SLC24A2: variants seen among roughly 807,000 people sequenced by gnomAD.
SLC24A2 encodes the protein sodium/potassium/calcium exchanger 2.
A neutral mutation model predicts 62.0 loss-of-function variants in SLC24A2; 36 were observed. The observed-to-expected ratio is 0.58, with a 90% CI of 0.44 to 0.77. The LOEUF (loss-of-function observed/expected upper bound fraction) is 0.77, where lower values mean the gene tolerates loss of function less well. Among genes scored for constraint, SLC24A2 ranks in the 30% least tolerant of loss-of-function variants. SLC24A2 has a pLI of 0.00. For missense variants in SLC24A2, 846 were observed against 817.9 expected, an observed-to-expected ratio of 1.03 and a Z score of -0.42; for synonymous variants, 358 against 294.0, an observed-to-expected ratio of 1.22 and a Z score of -2.23.
chr9:20,017,798 T>A, the SLC24A2 span, among the ~76,000 whole-genome samples: 2 of 152,196 alleles, frequency 1.3e-5, no homozygotes, highest in Non-Finnish European at 2.9e-5. Context: ...AACTCTGCTC[T>A]TTCCATGACT....
the SLC24A2 span, among the ~76,000 whole-genome samples, chr9:20,202,040 C>T: frequency 6.8e-6 from 1 of 147,864 alleles, no homozygotes; most frequent in South Asian, 2.2e-4. Context: ...GCCAGCCAAT[C>T]CCATTTCATG....
upstream of SLC24A2, among the ~76,000 whole-genome samples, chr9:19,791,346 T>G (rs2118964827): frequency 6.6e-6 from 1 of 152,346 alleles, no homozygotes; most frequent in Admixed American, 6.5e-5. Context: ...CACTTACATT[T>G]CACTGATCAC....
chr9:19,628,999 T>C (rs1818105892), intron 2 of SLC24A2, among the ~76,000 whole-genome samples: 1 of 152,176 alleles, frequency 6.6e-6, no homozygotes, highest in Non-Finnish European at 1.5e-5. Flanking sequence ...ACAGAATACT[T>C]TGTAGCAAAT....
chr9:20,282,695 T>G, the SLC24A2 span, among the ~76,000 whole-genome samples: 2 of 152,244 alleles, frequency 1.3e-5, no homozygotes, highest in African/African-American at 2.4e-5. Flanking sequence ...GAAATGATTT[T>G]ATAGATATAC....
the SLC24A2 span, among the ~76,000 whole-genome samples, chr9:19,935,022 A>G: frequency 6.6e-6 from 1 of 151,434 alleles, no homozygotes; most frequent in Non-Finnish European, 1.5e-5. Flanking sequence ...GCCCACTACC[A>G]CTTATTTTTA....
the SLC24A2 span, among the ~76,000 whole-genome samples, chr9:19,997,050 A>AAAAAAAGGC: frequency 2.1e-4 from 31 of 150,030 alleles, no homozygotes; most frequent in African/African-American, 7.8e-4. Context: ...AAAAAAAGGC[A>AAAAAAAGGC]AAAAAAGCAA....
the SLC24A2 span, among the ~76,000 whole-genome samples, chr9:19,867,616 A>T: frequency 1.3e-5 from 2 of 152,004 alleles, no homozygotes; most frequent in Admixed American, 6.5e-5. Context: ...TTAATCATAA[A>T]AACAACTTTC....
chr9:19,715,189 C>A (rs987082403), intron 2 of SLC24A2, among the ~76,000 whole-genome samples: 2 of 152,248 alleles, frequency 1.3e-5, no homozygotes, highest in African/African-American at 4.8e-5. Context: ...TAGATACCTA[C>A]AAAATACATT....
At chr9:20,253,393 G>T in the SLC24A2 span, among the ~76,000 whole-genome samples, 1 of 152,190 alleles carries the variant, frequency 6.6e-6, no homozygotes, top group Admixed American at 6.5e-5. Flanking sequence ...ATCTAGGTGA[G>T]TGGATACCTT....
intron 2 of SLC24A2, among the ~76,000 whole-genome samples, chr9:19,658,377 G>A (rs535056845): frequency 2.0e-5 from 3 of 151,922 alleles, no homozygotes; most frequent in Non-Finnish European, 2.9e-5. Flanking sequence ...TCACAAAAAT[G>A]ATACCTGTAC....
chr9:19,780,467 C>T (rs1049250204), intron 2 of SLC24A2, among the ~76,000 whole-genome samples: 7 of 151,526 alleles, frequency 4.6e-5, no homozygotes, highest in Non-Finnish European at 7.4e-5. Flanking sequence ...GGGGTTTCAC[C>T]ATCTTGGCCA....
intron 2 of SLC24A2, among the ~76,000 whole-genome samples, chr9:19,659,486 A>T (rs1443809641): frequency 6.6e-6 from 1 of 152,130 alleles, no homozygotes; most frequent in African/African-American, 2.4e-5. Flanking sequence ...AGTGTGCTGC[A>T]TGTTTTCTGC....
the SLC24A2 span, among the ~76,000 whole-genome samples, chr9:20,296,067 T>C: frequency 6.6e-6 from 1 of 152,242 alleles, no homozygotes; most frequent in South Asian, 2.1e-4. Context: ...TGTGTGAGGC[T>C]ACTTAATGGT....
the SLC24A2 span, among the ~76,000 whole-genome samples, chr9:19,989,965 T>A: frequency 6.6e-6 from 1 of 152,160 alleles, no homozygotes; most frequent in Non-Finnish European, 1.5e-5. Flanking sequence ...AAGTTAGAAT[T>A]TCCTGTGGCT....
the SLC24A2 span, among the ~76,000 whole-genome samples, chr9:20,131,038 G>T: frequency 6.6e-6 from 1 of 151,466 alleles, no homozygotes; most frequent in Non-Finnish European, 1.5e-5. Flanking sequence ...AATAGCCTGA[G>T]ATTTCTTCTA....
intron 2 of SLC24A2, among the ~76,000 whole-genome samples, chr9:19,625,932 C>A (rs1280918035): frequency 6.6e-6 from 1 of 151,970 alleles, no homozygotes; most frequent in Non-Finnish European, 1.5e-5. Flanking sequence ...GGTTATCCAC[C>A]CACCTCAGCC....
At chr9:19,688,528 C>T (rs1210240956) in intron 2 of SLC24A2, among the ~76,000 whole-genome samples, 2 of 151,692 alleles carry the variant, frequency 1.3e-5, no homozygotes, top group African/African-American at 4.9e-5. Flanking sequence ...AAAAGAGTTG[C>T]ATAGAAGAAA....
At chr9:20,006,624 T>C in the SLC24A2 span, among the ~76,000 whole-genome samples, 1 of 152,092 alleles carries the variant, frequency 6.6e-6, no homozygotes, top group African/African-American at 2.4e-5. Context: ...AATTAAAAAA[T>C]AAAAATAAAA....
chr9:19,663,957 C>T (rs143897158), intron 2 of SLC24A2, among the ~76,000 whole-genome samples: 31 of 152,184 alleles, frequency 2.0e-4, no homozygotes, highest in African/African-American at 5.8e-4. Context: ...GGTGGATGGA[C>T]GAAAGCAAAA....
Sources: gnomAD v4.1 joint callset for allele counts (sites outside exome capture counted in the v4.1 genomes callset) on GRCh38, gnomAD v4.1.1 for gene constraint, MANE v1.5 for transcripts, NCBI Gene and HGNC (gene_info 2026-07-23, HGNC 2026-07-21) for gene names.